Variants in RBFOX1 observed in about 807,000 individuals in gnomAD.
RBFOX1 encodes the protein RNA binding fox-1 homolog 1.
A neutral mutation model predicts 57.7 loss-of-function variants in RBFOX1; 8 were observed. The observed-to-expected ratio is 0.14, with a 90% CI of 0.08 to 0.25. The LOEUF is 0.25. Ranked by LOEUF, RBFOX1 falls within the 10% of genes least tolerant of loss-of-function variation. The pLI, the probability that RBFOX1 is intolerant of heterozygous loss-of-function variation, is 1.00. For missense variants in RBFOX1, 611 were observed against 548.5 expected (o/e 1.11, Z -1.14); for synonymous variants, 326 against 222.4 (o/e 1.47, Z -4.15).
At chr16:5,742,543 C>T (rs2052813096) in intron 3 of RBFOX1, among the ~76,000 whole-genome samples, 1 of 152,148 alleles carries the variant, frequency 6.6e-6, no homozygotes, top group Non-Finnish European at 1.5e-5. Context: ...CTCTTGCATC[C>T]TCCGGTGCCA....
intron 2 of RBFOX1, chr16:6,483,920 T>G (rs1356110036): frequency 1.2e-5 from 13 of 1,084,494 alleles, no homozygotes; most frequent in Non-Finnish European, 1.4e-5. Flanking sequence ...ACGCGGTATG[T>G]AAGCCGAGCT....
At chr16:7,535,644 T>C (rs2081294146) in intron 5 of RBFOX1, among the ~76,000 whole-genome samples, 1 of 152,234 alleles carries the variant, frequency 6.6e-6, no homozygotes, top group African/African-American at 2.4e-5. Flanking sequence ...GGTTCTTCCT[T>C]TGTATGTTTT....
intron 3 of RBFOX1, among the ~76,000 whole-genome samples, chr16:6,726,343 G>A (rs1056418223): frequency 4.6e-5 from 7 of 151,334 alleles, no homozygotes; most frequent in Non-Finnish European, 8.8e-5. Context: ...AGAGGCAAAA[G>A]CAAATTTTTG....
intron 1 of RBFOX1, among the ~76,000 whole-genome samples, chr16:6,185,304 T>A (rs1386348621): frequency 6.6e-6 from 1 of 152,238 alleles, no homozygotes; most frequent in Non-Finnish European, 1.5e-5. Flanking sequence ...TATAATTTCT[T>A]TTCCTTCCAT....
chr16:6,076,977 C>G (rs1043272228), intron 1 of RBFOX1, among the ~76,000 whole-genome samples: 1 of 152,198 alleles, frequency 6.6e-6, no homozygotes, highest in Non-Finnish European at 1.5e-5. Context: ...TCTGGAGGAT[C>G]ATCATCCCTG....
At chr16:6,820,291 A>G (rs2091040350) in intron 3 of RBFOX1, among the ~76,000 whole-genome samples, 1 of 152,156 alleles carries the variant, frequency 6.6e-6, no homozygotes, top group Admixed American at 6.5e-5. Flanking sequence ...TCATAGCATT[A>G]TGAAAATAGA....
intron 3 of RBFOX1, among the ~76,000 whole-genome samples, chr16:6,945,525 G>C (rs1445810227): frequency 6.6e-6 from 1 of 151,556 alleles, no homozygotes; most frequent in African/African-American, 2.4e-5. Flanking sequence ...AACACTACCT[G>C]ACCATGTAAA....
chr16:5,680,074 G>A (rs1422542543), intron 3 of RBFOX1, among the ~76,000 whole-genome samples: 1 of 152,176 alleles, frequency 6.6e-6, no homozygotes, highest in Non-Finnish European at 1.5e-5. Flanking sequence ...TTGATTTAAT[G>A]GACAGAAGTT....
At chr16:7,362,124 T>G (rs575105791) in intron 4 of RBFOX1, among the ~76,000 whole-genome samples, 1 of 151,866 alleles carries the variant, frequency 6.6e-6, no homozygotes, top group African/African-American at 2.4e-5. Context: ...TGTGTGGATG[T>G]TTTGTGTGTG....
chr16:7,163,206 T>A (rs776196549), intron 4 of RBFOX1, among the ~76,000 whole-genome samples: 1 of 152,152 alleles, frequency 6.6e-6, no homozygotes, highest in Non-Finnish European at 1.5e-5. Flanking sequence ...CTTGCCTGAG[T>A]TAAAGCAGGG....
intron 3 of RBFOX1, among the ~76,000 whole-genome samples, chr16:5,739,432 T>C (rs543626089): frequency 6.6e-6 from 1 of 152,276 alleles, no homozygotes; most frequent in African/African-American, 2.4e-5. Flanking sequence ...GGAAAGTGGA[T>C]AATAAAAATA....
chr16:6,721,598 T>C (rs1377876586), intron 3 of RBFOX1, among the ~76,000 whole-genome samples: 2 of 152,188 alleles, frequency 1.3e-5, no homozygotes, highest in African/African-American at 4.8e-5. Context: ...CCATTCTCCT[T>C]ACCCTCCAGC....
intron 2 of RBFOX1, among the ~76,000 whole-genome samples, chr16:6,367,429 C>T (rs191508574): frequency 6.6e-6 from 1 of 152,184 alleles, no homozygotes. Context: ...CACCACCATG[C>T]CCGGCTAATT....
intron 2 of RBFOX1, among the ~76,000 whole-genome samples, chr16:6,489,960 C>G (rs539666065): frequency 6.6e-6 from 1 of 152,172 alleles, no homozygotes; most frequent in Non-Finnish European, 1.5e-5. Flanking sequence ...CCTAAGGTGT[C>G]TTCAAGAAAC....
At chr16:7,298,625 A>AG (rs558055772) in intron 4 of RBFOX1, among the ~76,000 whole-genome samples, 77 of 152,244 alleles carry the variant, frequency 5.1e-4, no homozygotes, top group Non-Finnish European at 8.7e-4. Context: ...TTCCCCCAAA[A>AG]CTATGATTAG....
chr16:7,086,215 G>C (rs547021531), intron 4 of RBFOX1, among the ~76,000 whole-genome samples: 3 of 152,144 alleles, frequency 2.0e-5, no homozygotes, highest in African/African-American at 7.2e-5. Flanking sequence ...CTTTTTAATT[G>C]TTTAGGTTGA....
intron 4 of RBFOX1, among the ~76,000 whole-genome samples, chr16:7,389,639 G>C (rs1448586665): frequency 6.6e-6 from 1 of 152,170 alleles, no homozygotes; most frequent in African/African-American, 2.4e-5. Context: ...TTGTCATCCA[G>C]ATATGTTGGG....
chr16:5,387,886 A>G (rs1459714141), intron 1 of RBFOX1, among the ~76,000 whole-genome samples: 1 of 152,200 alleles, frequency 6.6e-6, no homozygotes, highest in Non-Finnish European at 1.5e-5. Flanking sequence ...TACATTTGGA[A>G]GAGGCAGACA....
At chr16:7,415,447 C>T (rs762744486) in intron 4 of RBFOX1, among the ~76,000 whole-genome samples, 2 of 152,110 alleles carry the variant, frequency 1.3e-5, no homozygotes, top group Non-Finnish European at 2.9e-5. Flanking sequence ...TACTGAATTT[C>T]CCAGCAATGA....
Sources: gnomAD v4.1 joint callset for allele counts (sites outside exome capture counted in the v4.1 genomes callset) on GRCh38, gnomAD v4.1.1 for gene constraint, MANE v1.5 for transcripts, NCBI Gene and HGNC (gene_info 2026-07-23, HGNC 2026-07-21) for gene names.